Variants in LAPTM4B observed in about 807,000 individuals in gnomAD.
LAPTM4B encodes lysosomal protein transmembrane 4 beta.
A neutral mutation model predicts 28.5 loss-of-function variants in LAPTM4B; 26 were observed. The ratio of observed to expected loss-of-function variants is 0.91; its 90% CI spans 0.67 to 1.27. The LOEUF is 1.27. Ranked by LOEUF, LAPTM4B falls within the 50% of genes most tolerant of loss-of-function variation. The pLI is 0.00. For missense variants in LAPTM4B, 288 were observed against 285.8 expected, an observed-to-expected ratio of 1.01 and a Z score of -0.06; for synonymous variants, 109 against 106.4, an observed-to-expected ratio of 1.02 and a Z score of -0.15.
intron 6 of LAPTM4B, among the ~76,000 whole-genome samples, chr8:97,845,937 G>T (rs1317620609): frequency 8.4e-6 from 1 of 119,528 alleles, no homozygotes; most frequent in African/African-American, 3.2e-5. Context: ...CTGTCACCCA[G>T]GTTGGAGTGC....
At chr8:97,781,328 G>A (rs748700222) in intron 1 of LAPTM4B, among the ~76,000 whole-genome samples, 2 of 120,194 alleles carry the variant, frequency 1.7e-5, no homozygotes, top group Non-Finnish European at 3.3e-5. Context: ...TGCTCAGGCC[G>A]AAGTGCAGTG....
chr8:97,837,059 T>G (rs1817270515), intron 6 of LAPTM4B, among the ~76,000 whole-genome samples: 1 of 152,162 alleles, frequency 6.6e-6, no homozygotes, highest in African/African-American at 2.4e-5. Flanking sequence ...TAATTAAGGC[T>G]GACCTTGGGT....
chr8:97,775,888 G>A lies in LAPTM4B; in HGVS notation c.-122G>A. 2 of 1,473,014 alleles carry A rather than the reference G, an allele frequency of 1.4e-6. No individual in the cohort carries two copies. Among genetic ancestry groups the A allele is most frequent in the Non-Finnish European group, 1.8e-6 (2 of 1,119,524 alleles). The allele number at this position is 1,473,014 out of a possible 1,614,324, so 91.2% of individuals were successfully genotyped here. A position where few individuals can be genotyped will look rare whatever the true frequency, so the allele number is the denominator to read the frequency against. On this transcript the variant is annotated 5_prime_UTR_variant, in exon 1 of 7. Coordinates refer to ENST00000521545, the MANE Select transcript of LAPTM4B (RefSeq NM_018407.6). ...GAGGAGGCAGGCCCGCGGGCGCACGGGCGAGCGGGCCGGGAGCCGGAGCGG... is the reference window on the plus strand; with the variant it reads ...GAGGAGGCAGGCCCGCGGGCGCACGAGCGAGCGGGCCGGGAGCCGGAGCGG...
At chr8:97,817,465 T>TG (rs1816938539) in intron 4 of LAPTM4B, among the ~76,000 whole-genome samples, 1 of 136,220 alleles carries the variant, frequency 7.3e-6, no homozygotes, top group South Asian at 2.5e-4. Flanking sequence ...TTTTTTTTTT[T>TG]GAGACAGAGT....
At chr8:97,784,501 G>A (rs974863527) in intron 1 of LAPTM4B, among the ~76,000 whole-genome samples, 31 of 152,078 alleles carry the variant, frequency 2.0e-4, no homozygotes, top group African/African-American at 7.2e-4. Context: ...GTGCAGTGGT[G>A]GGATCTCCAC....
chr8:97,791,441 G>A (rs1028471533), intron 1 of LAPTM4B, among the ~76,000 whole-genome samples: 11 of 151,970 alleles, frequency 7.2e-5, no homozygotes, highest in African/African-American at 1.5e-4. Flanking sequence ...TGTTAATTAC[G>A]TGCACCCTGT....
intron 1 of LAPTM4B, among the ~76,000 whole-genome samples, chr8:97,794,229 C>CTT (rs1816546826): frequency 6.6e-6 from 1 of 152,216 alleles, no homozygotes; most frequent in African/African-American, 2.4e-5. Flanking sequence ...AACCGCCCGC[C>CTT]TTGGCCTCCC....
intron 1 of LAPTM4B, among the ~76,000 whole-genome samples, chr8:97,783,958 C>A (rs1387649858): frequency 6.6e-6 from 1 of 152,178 alleles, no homozygotes; most frequent in African/African-American, 2.4e-5. Flanking sequence ...AATGATCAAA[C>A]CTTCAGAAGT....
chr8:97,832,401 G>T (rs1053242270), intron 6 of LAPTM4B, among the ~76,000 whole-genome samples: 1 of 152,112 alleles, frequency 6.6e-6, no homozygotes, highest in African/African-American at 2.4e-5. Flanking sequence ...CATACATGCC[G>T]GGAAATTGCT....
At chr8:97,802,695 C>T (rs1033578929) in intron 1 of LAPTM4B, among the ~76,000 whole-genome samples, 6 of 152,116 alleles carry the variant, frequency 3.9e-5, no homozygotes, top group African/African-American at 9.7e-5. Flanking sequence ...ATAATGGAGT[C>T]GCTTTGGTTC....
At chr8:97,782,209 G>A (rs1317904573) in intron 1 of LAPTM4B, among the ~76,000 whole-genome samples, 2 of 146,248 alleles carry the variant, frequency 1.4e-5, no homozygotes, top group Admixed American at 6.9e-5. Flanking sequence ...TCGAACTCCC[G>A]ACCTCTGGTG....
Position 97,802,372 on chromosome 8 carries a change from A to G in LAPTM4B, c.100-2981A>G, listed in dbSNP as rs892830046. 2.6e-5 allele frequency among the ~76,000 whole-genome samples: 4 copies of G among 152,238 alleles called. 1 individual carries two copies. Among genetic ancestry groups the G allele is most frequent in the African/African-American group, 9.6e-5 (4 of 41,536 alleles). Reference sequence around the variant, plus strand: ...AGAGTTCCTCCCCATTTCAGGCCATATAGGGTAACTACCTGACGTTGCCAT... The same window carrying G: ...AGAGTTCCTCCCCATTTCAGGCCATGTAGGGTAACTACCTGACGTTGCCAT... On this transcript the variant is annotated intron_variant, in intron 1 of 6. Transcript: ENST00000521545.
At chr8:97,801,395 T>A (rs920182036) in intron 1 of LAPTM4B, among the ~76,000 whole-genome samples, 7 of 152,158 alleles carry the variant, frequency 4.6e-5, no homozygotes, top group Non-Finnish European at 1.0e-4. Flanking sequence ...TTGGCCAAAC[T>A]GGTCTCAAAC....
intron 2 of LAPTM4B, among the ~76,000 whole-genome samples, chr8:97,810,217 C>T (rs998453745): frequency 6.6e-6 from 1 of 152,100 alleles, no homozygotes; most frequent in Non-Finnish European, 1.5e-5. Context: ...CCACCCTACC[C>T]GCCCTCAATT....
At chr8:97,793,255 G>A (rs967711494) in intron 1 of LAPTM4B, among the ~76,000 whole-genome samples, 9 of 152,166 alleles carry the variant, frequency 5.9e-5, no homozygotes, top group South Asian at 4.1e-4. Context: ...ATGTTATAGC[G>A]TTTATTCTAC....
chr8:97,837,195 C>CTTTTTT (rs55645609), intron 6 of LAPTM4B, among the ~76,000 whole-genome samples: 1 of 136,994 alleles, frequency 7.3e-6, no homozygotes. Context: ...CCTCCTGCCA[C>CTTTTTT]TTTTTTTTTT....
intron 1 of LAPTM4B, among the ~76,000 whole-genome samples, chr8:97,784,399 G>A (rs1359220516): frequency 1.3e-5 from 2 of 152,144 alleles, no homozygotes; most frequent in Non-Finnish European, 2.9e-5. Flanking sequence ...ATTATGAACA[G>A]GAGCGATATG....
chr8:97,783,091 T>A (rs1430336407), intron 1 of LAPTM4B, among the ~76,000 whole-genome samples: 16 of 136,132 alleles, frequency 1.2e-4, no homozygotes, highest in Admixed American at 2.9e-4. Context: ...TTTTTTTTTT[T>A]AAATATCCTT....
intron 6 of LAPTM4B, among the ~76,000 whole-genome samples, chr8:97,848,260 G>A (rs968213846): frequency 6.6e-5 from 10 of 152,086 alleles, no homozygotes; most frequent in East Asian, 1.9e-4. Flanking sequence ...AGACTCTCTC[G>A]AAACAAAACA....
Sources: allele counts gnomAD v4.1 joint callset (sites outside exome capture counted in the v4.1 genomes callset), GRCh38; gene constraint gnomAD v4.1.1; transcripts MANE v1.5; gene names NCBI Gene and HGNC (gene_info 2026-07-23, HGNC 2026-07-21).